Variants in CHD6 observed in about 807,000 individuals in gnomAD.
The protein encoded by CHD6 is ATP-dependent chromatin remodeler CHD6.
In CHD6, 50 loss-of-function variants were observed where a neutral mutation model predicts 276.9. The ratio of observed to expected loss-of-function variants is 0.18; its 90% CI spans 0.14 to 0.23. The LOEUF (loss-of-function observed/expected upper bound fraction) is 0.23, where lower values mean the gene tolerates loss of function less well. Among genes scored for constraint, CHD6 ranks in the 10% least tolerant of loss-of-function variants. CHD6 has a pLI of 1.00. For missense variants in CHD6, 2,564 were observed against 3,365.8 expected (o/e 0.76, Z 5.89); for synonymous variants, 1,173 against 1,229.3 (o/e 0.95, Z 0.96).
At chr20:41,562,471 C>T (rs1169801668) in intron 1 of CHD6, among the ~76,000 whole-genome samples, 2 of 150,504 alleles carry the variant, frequency 1.3e-5, no homozygotes, top group African/African-American at 2.5e-5. Flanking sequence ...GGTGCCAGAG[C>T]ACCAAAATAT....
In CHD6 at chr20:41,475,425, T is replaced by G. The variant is rs146676680; in HGVS notation, c.2469-1908A>C. On this transcript the variant is annotated intron_variant, in intron 16 of 36. Coordinates refer to ENST00000373233, the MANE Select transcript of CHD6 (RefSeq NM_032221.5). ...ATGCAGTAGGACAGAAAGGTTTTCC[T>G]AAACACTTAAGAAGAGAAATGGAGA... is the stretch of plus-strand genomic sequence containing the variant. 5.6e-3 allele frequency among the ~76,000 whole-genome samples: 851 copies of G among 152,328 alleles called. 8 individuals carry two copies. Among genetic ancestry groups the G allele is most frequent in the Middle Eastern group, 0.024 (7 of 294 alleles).
At chr20:41,560,735 T>C (rs1294043895) in intron 1 of CHD6, among the ~76,000 whole-genome samples, 19 of 152,118 alleles carry the variant, frequency 1.2e-4, no homozygotes, top group Admixed American at 1.2e-3. Flanking sequence ...TCTTTTTTTT[T>C]TCCTCCTAAT....
chr20:41,467,160 T>C (rs1468640496), intron 17 of CHD6, among the ~76,000 whole-genome samples: 7 of 152,002 alleles, frequency 4.6e-5, no homozygotes, highest in Non-Finnish European at 1.0e-4. Context: ...CTAAATTACA[T>C]AGAAATAAAC....
intron 17 of CHD6, among the ~76,000 whole-genome samples, chr20:41,460,217 T>C (rs1275765925): frequency 2.0e-5 from 3 of 152,214 alleles, no homozygotes; most frequent in Non-Finnish European, 4.4e-5. Flanking sequence ...GTTAAAAACA[T>C]TCAGTTTTAT....
chr20:41,412,051 C>T lies in CHD6; in HGVS notation c.7251+93G>A, dbSNP rs575727578. 3.8e-5 allele frequency: 59 copies of T among 1,535,576 alleles called. No homozygotes were observed. In the African/African-American group the frequency reaches 7.4e-4, roughly 19 times the overall value. ...CTTGAAAGATGTCTCCCAGCGAACC[C>T]CTTCCCAGCTGGGGCTTTCTCTCAA... is the stretch of plus-strand genomic sequence containing the variant. On this transcript the variant is annotated intron_variant, in intron 36 of 36. Coordinates refer to ENST00000373233, the MANE Select transcript of CHD6 (RefSeq NM_032221.5).
intron 1 of CHD6, among the ~76,000 whole-genome samples, chr20:41,595,850 T>C (rs1291681383): frequency 2.0e-5 from 3 of 152,046 alleles, no homozygotes; most frequent in African/African-American, 4.8e-5. Flanking sequence ...TGTCAACTTC[T>C]AATAGAATAT....
At chr20:41,414,291 T>G (rs953070599) in intron 34 of CHD6, 8 of 152,240 alleles carry the variant, frequency 5.3e-5, no homozygotes, top group African/African-American at 1.9e-4. Flanking sequence ...TGTCACTTAC[T>G]AGCTGGATAA....
intron 5 of CHD6, among the ~76,000 whole-genome samples, chr20:41,502,803 C>T (rs929120502): frequency 1.3e-5 from 2 of 152,132 alleles, no homozygotes; most frequent in African/African-American, 2.4e-5. Context: ...GTCAGGAACT[C>T]GGGACCAGCC....
chr20:41,502,057 A>G (rs946117258), intron 5 of CHD6, among the ~76,000 whole-genome samples: 3 of 152,168 alleles, frequency 2.0e-5, no homozygotes, highest in African/African-American at 7.2e-5. Context: ...GATTACAAAC[A>G]TTTTCTACCA....
intron 25 of CHD6, among the ~76,000 whole-genome samples, chr20:41,443,344 G>A (rs2047959191): frequency 6.6e-6 from 1 of 152,208 alleles, no homozygotes. Context: ...TAGGAAACTA[G>A]AAGGTAGGGC....
chr20:41,410,760 G>GA (rs1569042447), intron 36 of CHD6, among the ~76,000 whole-genome samples: 1 of 152,126 alleles, frequency 6.6e-6, no homozygotes, highest in Admixed American at 6.5e-5. Flanking sequence ...AATTTCCAAG[G>GA]AACATGAGGG....
intron 14 of CHD6, among the ~76,000 whole-genome samples, chr20:41,485,007 T>G (rs941217443): frequency 2.1e-4 from 32 of 152,212 alleles, no homozygotes; most frequent in African/African-American, 7.5e-4. Flanking sequence ...CAAGGAAACT[T>G]AGACGCTGAG....
chr20:41,514,743 G>A lies in CHD6; in HGVS notation c.702+62C>T, dbSNP rs1233598112. The A allele has an allele frequency of 2.5e-6, 4 of 1,579,222 alleles. No individual in the cohort carries two copies. In the African/African-American group the frequency reaches 4.1e-5, roughly 16 times the overall value. On this transcript the variant is annotated intron_variant, in intron 4 of 36. Coordinates refer to ENST00000373233, the MANE Select transcript of CHD6 (RefSeq NM_032221.5). ...AAGGCATAGAGGAGCAACACGATCAGTGTCAGCCAGATCCCATCCAGGAGC... is the reference window on the plus strand; with the variant it reads ...AAGGCATAGAGGAGCAACACGATCAATGTCAGCCAGATCCCATCCAGGAGC...
At position 41,423,388 on chromosome 20, in the gene CHD6, T is replaced by G. The variant is rs564988815; in HGVS notation, c.4555+104A>C. 14 of 1,059,460 alleles carry G rather than the reference T, an allele frequency of 1.3e-5. No homozygotes were observed. In the South Asian group the frequency reaches 2.0e-4, roughly 15 times the overall value. 65.6% of individuals were successfully genotyped at this position (1,059,460 alleles called of 1,614,324 possible). ...CACTCATCTTTACCTAAATTCCTCA[T>G]GTAGACTCTAGTTTTTATAGGTATA... On this transcript the variant is annotated intron_variant, in intron 30 of 36. Transcript: ENST00000373233.
chr20:41,594,431 C>T (rs2045697007), intron 1 of CHD6, among the ~76,000 whole-genome samples: 1 of 152,226 alleles, frequency 6.6e-6, no homozygotes, highest in South Asian at 2.1e-4. Context: ...CACTTCACAC[C>T]TCCACATCTG....
chr20:41,416,716 C>T lies in CHD6; in HGVS notation c.6358G>A (p.Glu2120Lys). Residue 2120 changes from glutamate to lysine, a missense_variant, in exon 33 of 37, where the codon GAG (glutamate) becomes AAG (lysine). This residue lies in a region of CHD6 where 1,024 missense variants were observed against 1,047.9 expected (regional missense o/e 0.98). Transcript: ENST00000373233. ...GGGGTGGGCAGTGTGCCTGAGGGCTCATACTGCTGGCTAGAGGGCCACTTC... is the reference window on the plus strand; with the variant it reads ...GGGGTGGGCAGTGTGCCTGAGGGCTTATACTGCTGGCTAGAGGGCCACTTC... ...KGKWPSSQQY[E>K]PSGTLPTPVL... The T allele has an allele frequency of 6.2e-7, 1 of 1,613,746 alleles. No homozygotes were observed. The highest frequency in any genetic ancestry group is 2.2e-5 in the East Asian group (1 of 44,862).
At chr20:41,475,960 A>G (rs2043159044) in intron 16 of CHD6, among the ~76,000 whole-genome samples, 1 of 152,186 alleles carries the variant, frequency 6.6e-6, no homozygotes, top group South Asian at 2.1e-4. Context: ...ATTCTCTATC[A>G]CTTGTTTAGT....
intron 3 of CHD6, among the ~76,000 whole-genome samples, chr20:41,522,909 C>T (rs2044438803): frequency 6.6e-6 from 1 of 152,118 alleles, no homozygotes; most frequent in Non-Finnish European, 1.5e-5. Context: ...AGGATGGACA[C>T]ATGACCCAGC....
At chr20:41,407,415 G>C (rs960060858) in intron 36 of CHD6, among the ~76,000 whole-genome samples, 8 of 152,188 alleles carry the variant, frequency 5.3e-5, no homozygotes, top group Non-Finnish European at 1.2e-4. Context: ...ACAGAACGCA[G>C]AGAAAGAAGC....
Sources: gnomAD v4.1 joint callset for allele counts (sites outside exome capture counted in the v4.1 genomes callset) on GRCh38, gnomAD v4.1.1 for gene constraint, gnomAD v4.1.1 regional missense constraint, MANE v1.5 for transcripts, NCBI Gene and HGNC (gene_info 2026-07-23, HGNC 2026-07-21) for gene names.